Variants in GMDS observed in about 807,000 individuals in gnomAD.
GMDS encodes GDP-mannose 4,6-dehydratase.
In GMDS, 20 loss-of-function variants were observed where a neutral mutation model predicts 49.9. The ratio of observed to expected loss-of-function variants is 0.40; its 90% CI spans 0.28 to 0.58. The LOEUF (loss-of-function observed/expected upper bound fraction) is 0.58. GMDS is among the 20% of genes least tolerant of loss of function. The pLI is 0.42. For synonymous variants in GMDS, 177 were observed against 178.6 expected (o/e 0.99, Z 0.07); for missense variants, 362 against 481.4 (o/e 0.75, Z 2.32).
chr6:1,883,462 T>C (rs1581302819), intron 7 of GMDS, among the ~76,000 whole-genome samples: 1 of 152,166 alleles, frequency 6.6e-6, no homozygotes, highest in African/African-American at 2.4e-5. Flanking sequence ...TTTTATACAT[T>C]GATTAATGGA....
At position 1,812,261 on chromosome 6, in the gene GMDS, A is replaced by G. The variant is rs79302201; in HGVS notation, c.772-69675T>C. On this transcript the variant is annotated intron_variant, in intron 7 of 10. Transcript: ENST00000380815. ...AGTAAACAGGACCAGCAAAGTACAC[A>G]GGACTCCGAGCACAGAGCAAGTTAA... Among the ~76,000 whole-genome samples the G allele has an allele frequency of 7.5e-3, 1,138 of 152,296 alleles. 14 individuals are homozygous for G. Among genetic ancestry groups the G allele is most frequent in the African/African-American group, 0.026 (1,067 of 41,566 alleles).
chr6:1,898,520 C>T (rs1373170046), intron 7 of GMDS, among the ~76,000 whole-genome samples: 1 of 152,110 alleles, frequency 6.6e-6, no homozygotes, highest in African/African-American at 2.4e-5. Context: ...TTTCCACCCT[C>T]CTTGTTTGGA....
chr6:2,010,985 C>A (rs1383686570), intron 4 of GMDS, among the ~76,000 whole-genome samples: 2 of 151,922 alleles, frequency 1.3e-5, no homozygotes, highest in African/African-American at 4.8e-5. Context: ...TTTAAAAAAT[C>A]AAACAGGTAT....
At chr6:2,201,634 C>A (rs1483807252) in intron 1 of GMDS, among the ~76,000 whole-genome samples, 14 of 128,740 alleles carry the variant, frequency 1.1e-4, no homozygotes, top group Non-Finnish European at 1.7e-4. Flanking sequence ...GAGATGAAAC[C>A]ATCTAGGCAG....
intron 1 of GMDS, among the ~76,000 whole-genome samples, chr6:2,193,376 C>T (rs1561646245): frequency 6.6e-6 from 1 of 152,216 alleles, no homozygotes; most frequent in African/African-American, 2.4e-5. Flanking sequence ...ACCAACAGCA[C>T]ACCACCAGTG....
intron 7 of GMDS, among the ~76,000 whole-genome samples, chr6:1,853,669 C>A (rs984533614): frequency 6.6e-6 from 1 of 152,018 alleles, no homozygotes; most frequent in African/African-American, 2.4e-5. Context: ...AGCCACAGAG[C>A]CTAATGAAAA....
At chr6:2,104,767 G>A (rs946363222) in intron 4 of GMDS, among the ~76,000 whole-genome samples, 9 of 152,016 alleles carry the variant, frequency 5.9e-5, no homozygotes, top group African/African-American at 2.2e-4. Flanking sequence ...CAAATTTGAT[G>A]AACTTATGCT....
chr6:1,732,312 C>T (rs1000932875), intron 8 of GMDS, among the ~76,000 whole-genome samples: 2 of 152,004 alleles, frequency 1.3e-5, no homozygotes, highest in African/African-American at 2.4e-5. Flanking sequence ...GGTGACAGAG[C>T]GAGGCTCCGT....
intron 4 of GMDS, among the ~76,000 whole-genome samples, chr6:2,023,482 G>A (rs1231552222): frequency 1.3e-5 from 2 of 152,196 alleles, no homozygotes; most frequent in Non-Finnish European, 2.9e-5. Context: ...CCCCCTTCAG[G>A]GGCCCTTCTG....
chr6:2,003,677 C>G (rs1472994565), intron 4 of GMDS, among the ~76,000 whole-genome samples: 3 of 152,132 alleles, frequency 2.0e-5, no homozygotes, highest in African/African-American at 7.2e-5. Flanking sequence ...GAGTACAAAA[C>G]AGTTAAATTT....
chr6:1,660,010 A>G (rs1417482442), intron 9 of GMDS, among the ~76,000 whole-genome samples: 3 of 150,814 alleles, frequency 2.0e-5, no homozygotes, highest in Admixed American at 6.6e-5. Flanking sequence ...CTAGACTCCA[A>G]CGTCCAGTGA....
intron 7 of GMDS, among the ~76,000 whole-genome samples, chr6:1,787,077 A>T (rs1013006773): frequency 1.2e-4 from 19 of 152,232 alleles, no homozygotes; most frequent in African/African-American, 4.1e-4. Flanking sequence ...CCCACTTAAT[A>T]AAAGCGAAAG....
intron 6 of GMDS, among the ~76,000 whole-genome samples, chr6:1,941,388 G>A (rs547679646): frequency 1.3e-5 from 2 of 152,208 alleles, no homozygotes; most frequent in South Asian, 4.2e-4. Context: ...GGCCAGATGA[G>A]GAGGAAGCAG....
intron 4 of GMDS, among the ~76,000 whole-genome samples, chr6:2,000,901 G>T (rs558033449): frequency 3.5e-4 from 53 of 152,142 alleles, no homozygotes; most frequent in Admixed American, 3.5e-3. Flanking sequence ...TTAACCAGCC[G>T]ATGGACATTC....
intron 1 of GMDS, among the ~76,000 whole-genome samples, chr6:2,219,224 G>C (rs1452793689): frequency 6.6e-6 from 1 of 152,122 alleles, no homozygotes; most frequent in South Asian, 2.1e-4. Context: ...TAAATTAGCT[G>C]AATATATTAC....
At chr6:1,892,839 A>T (rs1009031798) in intron 7 of GMDS, among the ~76,000 whole-genome samples, 19 of 152,186 alleles carry the variant, frequency 1.2e-4, no homozygotes, top group African/African-American at 4.6e-4. Flanking sequence ...CTGTGACTGG[A>T]CACGCATTCT....
chr6:2,077,211 A>G (rs976112014), intron 4 of GMDS, among the ~76,000 whole-genome samples: 1 of 152,082 alleles, frequency 6.6e-6, no homozygotes, highest in Admixed American at 6.6e-5. Flanking sequence ...TTTTTTTCTA[A>G]TAAGATCACG....
chr6:2,151,680 G>A (rs927083402), intron 1 of GMDS, among the ~76,000 whole-genome samples: 3 of 151,992 alleles, frequency 2.0e-5, no homozygotes, highest in African/African-American at 7.2e-5. Flanking sequence ...CTTTATCTCT[G>A]AAAATTTATG....
In GMDS at chr6:1,668,013, A is replaced by C. The variant is rs1411281204; in HGVS notation, c.988-43473T>G. On this transcript the variant is annotated intron_variant, in intron 9 of 10. Transcript: ENST00000380815. The stretch of plus-strand genomic sequence containing the variant: ...GGAGTCTGGCCTATGCACAAGTCCC[A>C]GGGTGAATGAAGGGAGTGATCGTAC... Among the ~76,000 whole-genome samples, 3 of 152,188 alleles carry C rather than the reference A, an allele frequency of 2.0e-5. No homozygotes were observed. In the East Asian group the frequency reaches 5.8e-4, roughly 29 times the overall value.
Sources: gnomAD v4.1 joint callset for allele counts (sites outside exome capture counted in the v4.1 genomes callset) on GRCh38, gnomAD v4.1.1 for gene constraint, MANE v1.5 for transcripts, NCBI Gene and HGNC (gene_info 2026-07-23, HGNC 2026-07-21) for gene names.